The following MAPKAP1 variants were observed in gnomAD, a reference collection of about 807,000 sequenced individuals.
MAPKAP1 encodes the protein MAPK associated protein 1.
MAPKAP1 carries 20 observed loss-of-function variants against 65.7 expected under a neutral mutation model. That is an observed-to-expected ratio of 0.30 (90% CI 0.21 to 0.44). MAPKAP1 has a LOEUF of 0.44. Among genes scored for constraint, MAPKAP1 ranks in the 20% least tolerant of loss-of-function variants. The pLI is 1.00. For synonymous variants in MAPKAP1, 222 were observed against 244.3 expected (o/e 0.91, Z 0.85); for missense variants, 423 against 648.0 (o/e 0.65, Z 3.77).
rs368621794 is a variant in MAPKAP1 at position 125,439,045 on chromosome 9, G to T, written c.1444-33C>A. ...CAAGAGCACACAGCCCGGTCACCTT[G>T]CCAGCCGCTCCCTACCCACCCAGGG... On this transcript the variant is annotated intron_variant, in intron 11 of 11. Coordinates refer to ENST00000265960, the MANE Select transcript of MAPKAP1 (RefSeq NM_001006617.3). The surrounding 1 kb of genome is among the most constrained non-coding windows in gnomAD (Gnocchi z 4.0). 4 of 1,608,250 alleles carry T rather than the reference G, an allele frequency of 2.5e-6. No homozygotes were observed. The African/African-American group carries it at 5.3e-5, about 21-fold the overall frequency.
At chr9:125,665,086 G>A (rs901392822) in intron 3 of MAPKAP1, among the ~76,000 whole-genome samples, 19 of 152,154 alleles carry the variant, frequency 1.2e-4, no homozygotes, top group Admixed American at 1.2e-3. Context: ...CGGATCACAT[G>A]AGGCCAGGAG....
chr9:125,654,209 G>A (rs1484637035), intron 4 of MAPKAP1, among the ~76,000 whole-genome samples: 9 of 152,132 alleles, frequency 5.9e-5, no homozygotes, highest in African/African-American at 1.9e-4. Flanking sequence ...ACAACCAACA[G>A]TTCCCACATC....
At chr9:125,577,025 G>C in intron 5 of MAPKAP1, among the ~76,000 whole-genome samples, 2 of 150,662 alleles carry the variant, frequency 1.3e-5, no homozygotes, top group Admixed American at 6.6e-5. Context: ...GCCCAGTCTG[G>C]AAAGTGAGGA....
intron 4 of MAPKAP1, among the ~76,000 whole-genome samples, chr9:125,614,116 A>G (rs1832680392): frequency 6.6e-6 from 1 of 152,150 alleles, no homozygotes; most frequent in Admixed American, 6.5e-5. Flanking sequence ...GCAATTTCTA[A>G]ATCACTTTAT....
At chr9:125,674,579 G>A (rs1223366459) in intron 1 of MAPKAP1, among the ~76,000 whole-genome samples, 2 of 152,064 alleles carry the variant, frequency 1.3e-5, no homozygotes, top group African/African-American at 4.8e-5. Flanking sequence ...AACATAGAGA[G>A]GAAATCTAGC....
intron 4 of MAPKAP1, among the ~76,000 whole-genome samples, chr9:125,638,386 T>C (rs1445443572): frequency 6.6e-6 from 1 of 152,150 alleles, no homozygotes; most frequent in African/African-American, 2.4e-5. Context: ...TGGCTGACCT[T>C]AGGGACACAC....
At chr9:125,669,326 C>T (rs1834430949) in intron 3 of MAPKAP1, among the ~76,000 whole-genome samples, 1 of 151,308 alleles carries the variant, frequency 6.6e-6, no homozygotes, top group Admixed American at 6.6e-5. Flanking sequence ...ACTAAAAATA[C>T]AAAATTAGCC....
chr9:125,514,546 G>C (rs1041720021), intron 7 of MAPKAP1, among the ~76,000 whole-genome samples: 1 of 152,164 alleles, frequency 6.6e-6, no homozygotes, highest in African/African-American at 2.4e-5. Context: ...CTGAGAGACT[G>C]AGGAACTGTG....
intron 4 of MAPKAP1, among the ~76,000 whole-genome samples, chr9:125,609,675 T>C (rs1832544674): frequency 6.6e-6 from 1 of 152,198 alleles, no homozygotes; most frequent in Non-Finnish European, 1.5e-5. Context: ...CCTCATTTTC[T>C]GACCCTGAGT....
chr9:125,577,408 G>A (rs1483516102), intron 5 of MAPKAP1, among the ~76,000 whole-genome samples: 3 of 142,244 alleles, frequency 2.1e-5, no homozygotes, highest in East Asian at 2.2e-4. Context: ...CCCCCCGCCT[G>A]GCCAGCCTCC....
At chr9:125,500,414 C>T (rs1054171131) in intron 8 of MAPKAP1, among the ~76,000 whole-genome samples, 7 of 150,990 alleles carry the variant, frequency 4.6e-5, no homozygotes, top group South Asian at 2.1e-4. Flanking sequence ...AGGATGGTCT[C>T]GATCTCCTGA....
intron 4 of MAPKAP1, among the ~76,000 whole-genome samples, chr9:125,630,489 C>T (rs1294389278): frequency 6.6e-6 from 1 of 152,120 alleles, no homozygotes; most frequent in Non-Finnish European, 1.5e-5. Context: ...AAGTCCATAC[C>T]AGGTGCTTTG....
chr9:125,458,251 G>A (rs1853273730), intron 10 of MAPKAP1, among the ~76,000 whole-genome samples: 1 of 149,120 alleles, frequency 6.7e-6, no homozygotes, highest in African/African-American at 2.5e-5. Context: ...TCATTCTTGG[G>A]TGTTTCTCGC....
chr9:125,684,122 AT>A (rs1834903868), intron 1 of MAPKAP1, among the ~76,000 whole-genome samples: 2 of 152,212 alleles, frequency 1.3e-5, no homozygotes, highest in South Asian at 4.1e-4. Context: ...GGAACCAACA[AT>A]TTTAAATTTA....
At chr9:125,677,588 C>T (rs1247183146) in intron 1 of MAPKAP1, among the ~76,000 whole-genome samples, 6 of 151,918 alleles carry the variant, frequency 3.9e-5, no homozygotes, top group African/African-American at 9.7e-5. Context: ...GTCAGCTACT[C>T]GGGAGGCTGA....
chr9:125,681,565 T>C (rs572084477), intron 1 of MAPKAP1, among the ~76,000 whole-genome samples: 1 of 152,238 alleles, frequency 6.6e-6, no homozygotes, highest in South Asian at 2.1e-4. Flanking sequence ...TGCCTCAGAA[T>C]CTTACATCTG....
intron 2 of MAPKAP1, among the ~76,000 whole-genome samples, chr9:125,670,218 T>C (rs1177630587): frequency 1.3e-5 from 2 of 152,162 alleles, no homozygotes; most frequent in African/African-American, 4.8e-5. Flanking sequence ...AAATCATTAA[T>C]AACGGTCTTA....
Position 125,533,453 on chromosome 9 carries a change from T to C in MAPKAP1, c.958+9606A>G, listed in dbSNP as rs562390664. On this transcript the variant is annotated intron_variant, in intron 7 of 11. Coordinates refer to ENST00000265960, the MANE Select transcript of MAPKAP1 (RefSeq NM_001006617.3). The stretch of plus-strand genomic sequence containing the variant: ...AATGTCAAAGAATGGGCATAAACTT[T>C]TTCTTTTTTTTTTTGAGACAGAGTC... Among the ~76,000 whole-genome samples, 6 of 152,100 alleles carry C rather than the reference T, an allele frequency of 3.9e-5. No individual in the cohort carries two copies. In the East Asian group the frequency reaches 9.7e-4, roughly 25 times the overall value.
chr9:125,635,264 C>T lies in MAPKAP1; in HGVS notation c.498+22387G>A, dbSNP rs577237768. Among the ~76,000 whole-genome samples, 334 of 152,288 alleles carry T rather than the reference C, an allele frequency of 2.2e-3. 1 individual carries two copies. Among genetic ancestry groups the T allele is most frequent in the Non-Finnish European group, 4.0e-3 (275 of 68,008 alleles). On this transcript the variant is annotated intron_variant, in intron 4 of 11. Transcript: ENST00000265960. Reference sequence around the variant, plus strand: ...GAACTTAGAACAGACCCATTCACCTCAAACATCGTTTGTGGCACAAGCCCC... The same window carrying T: ...GAACTTAGAACAGACCCATTCACCTTAAACATCGTTTGTGGCACAAGCCCC...
Sources: gnomAD v4.1 joint callset for allele counts (sites outside exome capture counted in the v4.1 genomes callset) on GRCh38, gnomAD v4.1.1 for gene constraint, Gnocchi (gnomAD v3.1) non-coding constraint, MANE v1.5 for transcripts, NCBI Gene and HGNC (gene_info 2026-07-23, HGNC 2026-07-21) for gene names.